FBLN5: variants seen among roughly 807,000 people sequenced by gnomAD.
FBLN5 encodes fibulin 5.
FBLN5 carries 24 observed loss-of-function variants against 61.6 expected under a neutral mutation model. The observed-to-expected ratio is 0.39, with a 90% CI of 0.28 to 0.55. FBLN5 has a LOEUF of 0.55. Among genes scored for constraint, FBLN5 ranks in the 20% least tolerant of loss-of-function variants. FBLN5 has a pLI of 0.65. For missense variants in FBLN5, 470 were observed against 594.1 expected (o/e 0.79, Z 2.17); for synonymous variants, 213 against 219.8 (o/e 0.97, Z 0.27).
At chr14:91,888,342 C>T (rs1298764040) in intron 6 of FBLN5, among the ~76,000 whole-genome samples, 1 of 147,830 alleles carries the variant, frequency 6.8e-6, no homozygotes, top group African/African-American at 2.5e-5. Context: ...CAGTGGCTCA[C>T]ACCTGCAATC....
At chr14:91,911,493 G>A (rs545213867) in intron 4 of FBLN5, among the ~76,000 whole-genome samples, 1 of 152,318 alleles carries the variant, frequency 6.6e-6, no homozygotes, top group South Asian at 2.1e-4. Flanking sequence ...CAAGAAGTAG[G>A]AGGAGGAAGA....
At chr14:91,910,292 T>C (rs1035188034) in intron 4 of FBLN5, among the ~76,000 whole-genome samples, 1 of 152,218 alleles carries the variant, frequency 6.6e-6, no homozygotes, top group African/African-American at 2.4e-5. Context: ...AAATACTGTA[T>C]GAGTCCACTT....
intron 4 of FBLN5, among the ~76,000 whole-genome samples, chr14:91,929,108 CA>C (rs1566824858): frequency 4.7e-5 from 7 of 148,586 alleles, no homozygotes; most frequent in East Asian, 2.0e-4. Flanking sequence ...CACACACACA[CA>C]CACACCCCAC....
chr14:91,875,206 T>C (rs1595291218), intron 10 of FBLN5, among the ~76,000 whole-genome samples: 1 of 152,086 alleles, frequency 6.6e-6, no homozygotes, highest in South Asian at 2.1e-4. Flanking sequence ...AAAAACTGTT[T>C]AGAGATGCAG....
intron 1 of FBLN5, chr14:91,946,725 G>A: frequency 6.5e-7 from 1 of 1,535,680 alleles, no homozygotes; most frequent in South Asian, 1.2e-5. Flanking sequence ...ATCTCTGTCT[G>A]CAGTTCCCAC....
chr14:91,869,643 C>T lies in FBLN5; in HGVS notation c.*581G>A, dbSNP rs1003811403. ...AACAAGACAGAATTAAACCGTTATA[C>T]AAATTTAAGGACAACTGAAACTTCT... On this transcript the variant is annotated 3_prime_UTR_variant, in exon 11 of 11. Coordinates refer to ENST00000342058, the MANE Select transcript of FBLN5 (RefSeq NM_006329.4). The T allele has an allele frequency of 6.3e-6, 1 of 159,160 alleles. No homozygotes were observed. Among genetic ancestry groups the T allele is most frequent in the Non-Finnish European group, 1.4e-5 (1 of 71,922 alleles). 9.9% of individuals were successfully genotyped at this position (159,160 alleles called of 1,614,324 possible).
intron 4 of FBLN5, among the ~76,000 whole-genome samples, chr14:91,912,287 A>G (rs1890981428): frequency 6.6e-6 from 1 of 152,214 alleles, no homozygotes; most frequent in Admixed American, 6.5e-5. Context: ...ACGTGAGGCC[A>G]GGAGTTAGAG....
chr14:91,931,643 G>A (rs2055925834), intron 4 of FBLN5, among the ~76,000 whole-genome samples: 1 of 152,212 alleles, frequency 6.6e-6, no homozygotes, highest in South Asian at 2.1e-4. Context: ...GTAAAAGGCT[G>A]CTTTCTCAGC....
chr14:91,894,422 A>C (rs1319170372), intron 5 of FBLN5, among the ~76,000 whole-genome samples: 2 of 146,384 alleles, frequency 1.4e-5, no homozygotes, highest in African/African-American at 5.0e-5. Context: ...AAAAAAAAAA[A>C]AAAAACCGAA....
intron 3 of FBLN5, among the ~76,000 whole-genome samples, chr14:91,937,860 G>C (rs1340615249): frequency 6.6e-6 from 1 of 152,100 alleles, no homozygotes; most frequent in African/African-American, 2.4e-5. Flanking sequence ...AAACAAACCT[G>C]TACTATCATT....
intron 10 of FBLN5, among the ~76,000 whole-genome samples, chr14:91,875,094 A>G (rs1889108202): frequency 3.9e-5 from 6 of 152,168 alleles, no homozygotes. Flanking sequence ...CCTCCAGAGT[A>G]GCTGGGATTA....
chr14:91,914,164 G>A (rs751555473), intron 4 of FBLN5, among the ~76,000 whole-genome samples: 2 of 152,018 alleles, frequency 1.3e-5, no homozygotes, highest in African/African-American at 2.4e-5. Flanking sequence ...GAAACATGGC[G>A]AGGCCCTGCC....
At chr14:91,878,168 C>T (rs1041412767) in intron 9 of FBLN5, 4 of 302,556 alleles carry the variant, frequency 1.3e-5, no homozygotes, top group Admixed American at 4.8e-5. Context: ...GTTACTGAAT[C>T]GAATATAATC....
intron 7 of FBLN5, among the ~76,000 whole-genome samples, chr14:91,884,207 G>C (rs1484417153): frequency 2.0e-5 from 3 of 152,124 alleles, no homozygotes; most frequent in Non-Finnish European, 4.4e-5. Context: ...ACTCCTTCCT[G>C]TCTCTCTCAG....
At chr14:91,879,649 C>T (rs905579191) in intron 9 of FBLN5, among the ~76,000 whole-genome samples, 3 of 152,250 alleles carry the variant, frequency 2.0e-5, no homozygotes, top group African/African-American at 7.2e-5. Flanking sequence ...CTGCCACAAA[C>T]AGGCCTTACG....
intron 3 of FBLN5, 142 bp from the exon 4 acceptor site, chr14:91,937,343 C>T (rs1236714608): frequency 9.6e-7 from 1 of 1,047,054 alleles, no homozygotes; most frequent in Non-Finnish European, 1.4e-6. Context: ...GGTAAGGTAC[C>T]CCAAATGTTG....
At chr14:91,909,766 A>T (rs1595323526) in intron 4 of FBLN5, among the ~76,000 whole-genome samples, 1 of 152,344 alleles carries the variant, frequency 6.6e-6, no homozygotes, top group Admixed American at 6.5e-5. Context: ...ATAGGCCTCT[A>T]TTCTTTATAA....
At position 91,887,222 on chromosome 14, in the gene FBLN5, T is replaced by C; in HGVS notation, c.710A>G (p.Glu237Gly). 6.2e-7 allele frequency: 1 copy of C among 1,613,130 alleles called. No homozygotes were observed. Among genetic ancestry groups the C allele is most frequent in the South Asian group, 1.1e-5 (1 of 91,056 alleles). The change falls in exon 7 of 11, where the codon GAA becomes GGA. Residue 237 changes from glutamate (E) to glycine (G), a missense_variant. Glu to Gly is a moderately conservative substitution (Grantham distance 98, BLOSUM62 -2). Coordinates refer to ENST00000342058, the MANE Select transcript of FBLN5 (RefSeq NM_006329.4). ...GCAATGAACGCCATCTTCCTCAAGTTCATATCCTGGGTCACAGCGGCAGAT... is the reference window on the plus strand; with the variant it reads ...GCAATGAACGCCATCTTCCTCAAGTCCATATCCTGGGTCACAGCGGCAGAT... ...SFICRCDPGY[E>G]LEEDGVHCSD...
intron 4 of FBLN5, among the ~76,000 whole-genome samples, chr14:91,921,489 CA>C (rs1162194474): frequency 3.3e-5 from 5 of 152,038 alleles, no homozygotes; most frequent in Non-Finnish European, 7.4e-5. Context: ...AAAAAGCCAC[CA>C]ATCAGTGGCT....
Sources: gnomAD v4.1 joint callset for allele counts (sites outside exome capture counted in the v4.1 genomes callset) on GRCh38, gnomAD v4.1.1 for gene constraint, MANE v1.5 for transcripts, NCBI Gene and HGNC (gene_info 2026-07-23, HGNC 2026-07-21) for gene names.